PTPRT: variants seen among roughly 807,000 people sequenced by gnomAD.
PTPRT encodes the protein receptor-type tyrosine-protein phosphatase T.
PTPRT carries 56 observed loss-of-function variants against 176.8 expected under a neutral mutation model. The observed-to-expected ratio is 0.32, with a 90% CI of 0.26 to 0.40. The LOEUF (loss-of-function observed/expected upper bound fraction) is 0.40, where lower values mean the gene tolerates loss of function less well. PTPRT is among the 10% of genes least tolerant of loss of function. The pLI, the probability that PTPRT is intolerant of heterozygous loss-of-function variation, is 1.00. For synonymous variants in PTPRT, 783 were observed against 739.0 expected, an observed-to-expected ratio of 1.06 and a Z score of -0.96; for missense variants, 1,540 against 1,908.2, an observed-to-expected ratio of 0.81 and a Z score of 3.60.
chr20:42,526,762 A>T (rs2072275375), intron 7 of PTPRT, among the ~76,000 whole-genome samples: 1 of 151,990 alleles, frequency 6.6e-6, no homozygotes, highest in Non-Finnish European at 1.5e-5. Flanking sequence ...AGCTATTTGT[A>T]GAAGGTTTTA....
chr20:42,927,317 T>G (rs570266486), intron 1 of PTPRT, among the ~76,000 whole-genome samples: 1 of 152,244 alleles, frequency 6.6e-6, no homozygotes, highest in Admixed American at 6.5e-5. Context: ...ATCCCAGCAC[T>G]TTGGGAGGCT....
At chr20:43,115,142 TC>T (rs1176388638) in intron 1 of PTPRT, among the ~76,000 whole-genome samples, 1 of 152,106 alleles carries the variant, frequency 6.6e-6, no homozygotes, top group Non-Finnish European at 1.5e-5. Flanking sequence ...CAATTACTTA[TC>T]CCATGTAGCC....
chr20:42,122,097 C>G (rs1349984870), intron 19 of PTPRT, among the ~76,000 whole-genome samples: 2 of 152,130 alleles, frequency 1.3e-5, no homozygotes, highest in Non-Finnish European at 2.9e-5. Flanking sequence ...GATGGTTACA[C>G]TAAAAGCCTA....
intron 1 of PTPRT, among the ~76,000 whole-genome samples, chr20:42,987,471 A>G (rs367786093): frequency 7.2e-4 from 109 of 151,712 alleles, no homozygotes; most frequent in African/African-American, 2.6e-3. Flanking sequence ...CAAAATCCCA[A>G]CCCCTCATGG....
intron 7 of PTPRT, among the ~76,000 whole-genome samples, chr20:42,648,924 T>C (rs1368765730): frequency 6.7e-6 from 1 of 148,612 alleles, no homozygotes; most frequent in Non-Finnish European, 1.5e-5. Context: ...GTTCATGCCA[T>C]TCTCCTGCCT....
chr20:42,779,475 T>C (rs1444980452), intron 4 of PTPRT, among the ~76,000 whole-genome samples: 2 of 152,202 alleles, frequency 1.3e-5, no homozygotes, highest in Non-Finnish European at 2.9e-5. Flanking sequence ...GGGTCTGCCA[T>C]AATCTCCATG....
chr20:42,332,575 C>T (rs112820687), intron 11 of PTPRT, among the ~76,000 whole-genome samples: 14 of 152,176 alleles, frequency 9.2e-5, no homozygotes, highest in African/African-American at 3.4e-4. Context: ...CATGAGGTAC[C>T]TTTTTGTTAA....
At chr20:42,680,831 G>C (rs2075590584) in intron 6 of PTPRT, among the ~76,000 whole-genome samples, 1 of 152,162 alleles carries the variant, frequency 6.6e-6, no homozygotes, top group Non-Finnish European at 1.5e-5. Context: ...GCATGTGCAA[G>C]TATAGTAACA....
In PTPRT at chr20:42,140,523, C is replaced by T. The variant is rs114044726; in HGVS notation, c.2770+1392G>A. ...TGTGGCAGTCTCTCTCTTCCTCACC[C>T]CCCAGAACTGAATACCATGCACCTG... is the stretch of plus-strand genomic sequence containing the variant. On this transcript the variant is annotated intron_variant, in intron 18 of 30. Transcript: ENST00000373187. Among the ~76,000 whole-genome samples the T allele has an allele frequency of 4.3e-3, 655 of 152,302 alleles. 3 individuals are homozygous for T. The highest frequency in any genetic ancestry group is 0.015 in the African/African-American group (632 of 41,562).
intron 13 of PTPRT, among the ~76,000 whole-genome samples, chr20:42,280,246 A>C (rs144030160): frequency 4.1e-4 from 63 of 152,222 alleles, no homozygotes; most frequent in African/African-American, 6.0e-4. Flanking sequence ...AGGTACTCTA[A>C]GCATAGTACC....
chr20:42,555,849 T>C (rs1001915431), intron 7 of PTPRT, among the ~76,000 whole-genome samples: 1 of 152,088 alleles, frequency 6.6e-6, no homozygotes, highest in Non-Finnish European at 1.5e-5. Flanking sequence ...TGAGAAAACA[T>C]GTGGCGAGAG....
chr20:42,273,558 G>C (rs1020927163), intron 13 of PTPRT, among the ~76,000 whole-genome samples: 10 of 152,188 alleles, frequency 6.6e-5, no homozygotes, highest in Non-Finnish European at 1.5e-4. Context: ...GGGAAACAGA[G>C]ACACAGAATA....
At chr20:43,023,365 G>A (rs1411124184) in intron 1 of PTPRT, among the ~76,000 whole-genome samples, 1 of 152,210 alleles carries the variant, frequency 6.6e-6, no homozygotes, top group Non-Finnish European at 1.5e-5. Context: ...CTGGCTGTGT[G>A]CAGGTCATAA....
chr20:42,739,972 C>G (rs2076584821), intron 6 of PTPRT, among the ~76,000 whole-genome samples: 1 of 152,184 alleles, frequency 6.6e-6, no homozygotes, highest in African/African-American at 2.4e-5. Flanking sequence ...CCTGGGTTCA[C>G]ACACTCTGGC....
intron 16 of PTPRT, among the ~76,000 whole-genome samples, chr20:42,163,523 T>C (rs565128280): frequency 2.6e-5 from 4 of 152,176 alleles, no homozygotes; most frequent in Non-Finnish European, 5.9e-5. Flanking sequence ...CATCAACCCC[T>C]TGGTTTCATG....
intron 7 of PTPRT, among the ~76,000 whole-genome samples, chr20:42,634,034 A>AT (rs2074519244): frequency 3.5e-5 from 1 of 28,538 alleles, no homozygotes; most frequent in African/African-American, 2.0e-4. Flanking sequence ...TATATATATT[A>AT]TATATATTAT....
intron 1 of PTPRT, among the ~76,000 whole-genome samples, chr20:43,059,841 T>C (rs1210553151): frequency 6.6e-6 from 1 of 152,082 alleles, no homozygotes; most frequent in Non-Finnish European, 1.5e-5. Flanking sequence ...TACCTGGGCA[T>C]GGTGGTACAC....
chr20:42,114,648 G>A (rs138830377), intron 22 of PTPRT, among the ~76,000 whole-genome samples: 76 of 152,146 alleles, frequency 5.0e-4, no homozygotes, highest in Middle Eastern at 3.4e-3. Flanking sequence ...CACCCACTAG[G>A]TGCCAGTACC....
At chr20:43,043,911 T>A (rs1301980157) in intron 1 of PTPRT, among the ~76,000 whole-genome samples, 4 of 152,102 alleles carry the variant, frequency 2.6e-5, no homozygotes, top group African/African-American at 9.7e-5. Flanking sequence ...ATTCAGCGCT[T>A]CTTTCTCCTT....
Sources: gnomAD v4.1 joint callset for allele counts (sites outside exome capture counted in the v4.1 genomes callset) on GRCh38, gnomAD v4.1.1 for gene constraint, MANE v1.5 for transcripts, NCBI Gene and HGNC (gene_info 2026-07-23, HGNC 2026-07-21) for gene names.